The following CPLX4 variants were observed in gnomAD, a reference collection of about 807,000 sequenced individuals.
CPLX4 encodes the protein complexin-4.
In CPLX4, 17 loss-of-function variants were observed where a neutral mutation model predicts 16.1. The observed-to-expected ratio is 1.06, with a 90% CI of 0.72 to 1.59. The LOEUF (loss-of-function observed/expected upper bound fraction) is 1.59, where lower values mean the gene tolerates loss of function less well. Among genes scored for constraint, CPLX4 ranks in the 40% most tolerant of loss-of-function variants. CPLX4 has a pLI of 0.00. For synonymous variants in CPLX4, 55 were observed against 57.8 expected (o/e 0.95, Z 0.22); for missense variants, 193 against 192.9 (o/e 1.00, Z 0.00).
chr18:59,305,430 A>G (rs2070570182), intron 2 of CPLX4, among the ~76,000 whole-genome samples: 1 of 152,228 alleles, frequency 6.6e-6, no homozygotes, highest in Non-Finnish European at 1.5e-5. Flanking sequence ...AAACCTCAGT[A>G]TGGAGGGGGA....
chr18:59,302,950 G>A (rs2070551758), intron 2 of CPLX4, among the ~76,000 whole-genome samples: 1 of 152,186 alleles, frequency 6.6e-6, no homozygotes, highest in African/African-American at 2.4e-5. Context: ...TTCACTTATT[G>A]TTGTCCACAG....
Position 59,304,868 on chromosome 18 carries a change from C to T in CPLX4, c.255+7817G>A, listed in dbSNP as rs1336716592. On this transcript the variant is annotated intron_variant, in intron 2 of 2. Coordinates refer to ENST00000299721, the MANE Select transcript of CPLX4 (RefSeq NM_181654.4). The stretch of plus-strand genomic sequence containing the variant: ...TACAGGGGTGAGCCACTGCGCCCGG[C>T]CGGGCATTTTTCTTTCTTTTCTTTT... 2.0e-5 allele frequency among the ~76,000 whole-genome samples: 3 copies of T among 151,806 alleles called. No homozygotes were observed. In the East Asian group the frequency reaches 5.8e-4, roughly 29 times the overall value.
intron 2 of CPLX4, among the ~76,000 whole-genome samples, chr18:59,307,753 ATTT>A (rs527371314): frequency 9.9e-5 from 13 of 130,954 alleles, no homozygotes; most frequent in African/African-American, 2.8e-4. Flanking sequence ...TGTTTTTCTG[ATTT>A]TTTTTTTTTT....
In CPLX4 at chr18:59,296,731, C is replaced by A; in HGVS notation, c.450G>T (p.Lys150Asn). The A allele has an allele frequency of 6.2e-7, 1 of 1,604,494 alleles. No homozygotes were observed. Among genetic ancestry groups the A allele is most frequent in the Non-Finnish European group, 8.5e-7 (1 of 1,175,178 alleles). ...EKAQATFTEI[K>N]QTAEQKCSVM is the part of the protein sequence containing the mutation. Reference sequence around the variant, plus strand: ...CGGAACACTTCTGCTCCGCTGTCTGCTTGATTTCAGTGAAGGTGGCCTGGG... The same window carrying A: ...CGGAACACTTCTGCTCCGCTGTCTGATTGATTTCAGTGAAGGTGGCCTGGG... The change falls in exon 3 of 3, where the codon AAG (lysine) becomes AAT (asparagine). Residue 150 changes from lysine (K) to asparagine (N), a missense_variant. By Grantham distance (94) the Lys-to-Asn change is moderately conservative. Transcript: ENST00000299721.
chr18:59,312,432 GTGTGTGTATATATA>G (rs2070622996), intron 2 of CPLX4, among the ~76,000 whole-genome samples: 1 of 136,614 alleles, frequency 7.3e-6, no homozygotes, highest in Admixed American at 7.6e-5. Context: ...CTGAATATGT[GTGTGTGTATATATA>G]TATATATATC....
intron 1 of CPLX4, among the ~76,000 whole-genome samples, chr18:59,315,511 A>G (rs796982545): frequency 3.3e-4 from 51 of 152,288 alleles, no homozygotes; most frequent in African/African-American, 1.2e-3. Context: ...CTTTTAACGT[A>G]TAAAAGTTTT....
chr18:59,316,312 A>G (rs901166476), intron 1 of CPLX4, among the ~76,000 whole-genome samples: 5 of 152,218 alleles, frequency 3.3e-5, no homozygotes, highest in African/African-American at 1.2e-4. Flanking sequence ...AATGTGCATT[A>G]TTAAATAGAG....
intron 2 of CPLX4, among the ~76,000 whole-genome samples, chr18:59,302,748 T>C (rs2070550387): frequency 1.3e-5 from 2 of 152,234 alleles, no homozygotes; most frequent in African/African-American, 4.8e-5. Flanking sequence ...CAAGACTTAC[T>C]ACTTCTTGGA....
chr18:59,308,381 G>C (rs1312784627), intron 2 of CPLX4, among the ~76,000 whole-genome samples: 1 of 152,088 alleles, frequency 6.6e-6, no homozygotes, highest in African/African-American at 2.4e-5. Context: ...GCGGAAACTC[G>C]GCTGTTTGCG....
Position 59,295,446 on chromosome 18 carries a change from A to G in CPLX4, c.*1252T>C, listed in dbSNP as rs767724713. 3 of 152,126 alleles carry G rather than the reference A, an allele frequency of 2.0e-5. No homozygotes were observed. The highest frequency in any genetic ancestry group is 4.4e-5 in the Non-Finnish European group (3 of 68,032). The allele number at this position is 152,126 out of a possible 1,614,324, so 9.4% of individuals were successfully genotyped here. On this transcript the variant is annotated 3_prime_UTR_variant, in exon 3 of 3. Transcript: ENST00000299721. ...TGTTTTATTTGCTTAATTTTATTAC[A>G]TGAAACTTTTTGTACAACACATTTG...
chr18:59,301,498 T>G (rs1252097634), intron 2 of CPLX4, among the ~76,000 whole-genome samples: 5 of 152,218 alleles, frequency 3.3e-5, no homozygotes, highest in African/African-American at 1.2e-4. Flanking sequence ...ATTCTAGTCT[T>G]GAAGCCAATT....
At chr18:59,299,068 T>C (rs2070522264) in intron 2 of CPLX4, among the ~76,000 whole-genome samples, 1 of 152,248 alleles carries the variant, frequency 6.6e-6, no homozygotes, top group African/African-American at 2.4e-5. Flanking sequence ...GCCAGGGCCT[T>C]GGGCCCTCCA....
At chr18:59,301,773 T>C (rs1169385176) in intron 2 of CPLX4, among the ~76,000 whole-genome samples, 8 of 152,168 alleles carry the variant, frequency 5.3e-5, no homozygotes, top group Non-Finnish European at 1.2e-4. Flanking sequence ...GATTGTGGGA[T>C]TTGGAGTTAG....
chr18:59,315,954 C>G (rs1048168869), intron 1 of CPLX4, among the ~76,000 whole-genome samples: 3 of 152,194 alleles, frequency 2.0e-5, no homozygotes, highest in Admixed American at 6.5e-5. Flanking sequence ...ATGCAGCTAG[C>G]TAGTCTCCCC....
intron 2 of CPLX4, among the ~76,000 whole-genome samples, chr18:59,301,132 C>T (rs1213051975): frequency 6.6e-6 from 1 of 152,220 alleles, no homozygotes; most frequent in African/African-American, 2.4e-5. Context: ...GTCTGCCTGG[C>T]CACTCTCAGG....
intron 1 of CPLX4, among the ~76,000 whole-genome samples, chr18:59,314,291 C>T (rs867567373): frequency 7.9e-5 from 12 of 152,076 alleles, no homozygotes; most frequent in African/African-American, 2.7e-4. Flanking sequence ...CATACAGAAA[C>T]GTTGAAAGAA....
At chr18:59,314,574 A>G (rs753000820) in intron 1 of CPLX4, among the ~76,000 whole-genome samples, 34 of 152,144 alleles carry the variant, frequency 2.2e-4, no homozygotes, top group Non-Finnish European at 4.3e-4. Flanking sequence ...ATTCCCCAAA[A>G]AGCACACACC....
chr18:59,316,559 C>T (rs2070652727), intron 1 of CPLX4, among the ~76,000 whole-genome samples: 1 of 152,030 alleles, frequency 6.6e-6, no homozygotes, highest in Non-Finnish European at 1.5e-5. Context: ...GAAAGTCATC[C>T]CTCTTTATCA....
At chr18:59,297,854 C>T (rs934049449) in intron 2 of CPLX4, among the ~76,000 whole-genome samples, 3 of 152,142 alleles carry the variant, frequency 2.0e-5, no homozygotes, top group Non-Finnish European at 4.4e-5. Flanking sequence ...ACAGGGAGCC[C>T]GTCATGGGCT....
Sources: gnomAD v4.1 joint callset for allele counts (sites outside exome capture counted in the v4.1 genomes callset) on GRCh38, gnomAD v4.1.1 for gene constraint, MANE v1.5 for transcripts, NCBI Gene and HGNC (gene_info 2026-07-23, HGNC 2026-07-21) for gene names.